AGTPBP1: variants seen among roughly 807,000 people sequenced by gnomAD.
AGTPBP1 encodes cytosolic carboxypeptidase 1.
In AGTPBP1, 70 loss-of-function variants were observed where a neutral mutation model predicts 143.9. The observed-to-expected ratio is 0.49, with a 90% CI of 0.40 to 0.59. AGTPBP1 has a LOEUF of 0.59. AGTPBP1 is among the 20% of genes least tolerant of loss of function. The pLI, the probability that AGTPBP1 is intolerant of heterozygous loss-of-function variation, is 0.00. For missense variants in AGTPBP1, 1,229 were observed against 1,464.5 expected (o/e 0.84, Z 2.62); for synonymous variants, 463 against 500.2 (o/e 0.93, Z 0.99).
At chr9:85,611,229 T>A (rs1352169684) in intron 17 of AGTPBP1, among the ~76,000 whole-genome samples, 1 of 106,382 alleles carries the variant, frequency 9.4e-6, no homozygotes. Context: ...AAATAAAAAA[T>A]AAAGAAAACA....
chr9:85,636,323 G>A (rs1030362754), intron 13 of AGTPBP1, among the ~76,000 whole-genome samples: 3 of 146,014 alleles, frequency 2.1e-5, no homozygotes, highest in East Asian at 2.0e-4. Flanking sequence ...GTGCAGTGGC[G>A]CAATCTCAGC....
chr9:85,633,065 T>C lies in AGTPBP1; in HGVS notation c.1612A>G (p.Thr538Ala). 2 of 1,614,198 alleles carry C rather than the reference T, an allele frequency of 1.2e-6. No individual in the cohort carries two copies. Among genetic ancestry groups the C allele is most frequent in the Non-Finnish European group, 1.7e-6 (2 of 1,180,020 alleles). Reference sequence around the variant, plus strand: ...GTTTGAGAAGGAATATTCTGCAATGTAATTCGGTCCAAGGCCTTTACAATA... The same window carrying C: ...GTTTGAGAAGGAATATTCTGCAATGCAATTCGGTCCAAGGCCTTTACAATA... Reference protein sequence around the residue: ...NDIVKALDRITLQNIPSQTAP... With the variant: ...NDIVKALDRIALQNIPSQTAP... Residue 538 changes from threonine to alanine, a missense_variant, in exon 14 of 26, where the codon ACA becomes GCA. By Grantham distance (58) the Thr-to-Ala change is moderately conservative. Coordinates refer to ENST00000357081, the MANE Select transcript of AGTPBP1 (RefSeq NM_001330701.2).
chr9:85,736,181 G>T (rs576843719), intron 1 of AGTPBP1, among the ~76,000 whole-genome samples: 1 of 152,166 alleles, frequency 6.6e-6, no homozygotes, highest in South Asian at 2.1e-4. Flanking sequence ...TTTTTAGATG[G>T]TATTCAGATT....
At chr9:85,560,739 A>C (rs1288939079) in intron 25 of AGTPBP1, among the ~76,000 whole-genome samples, 1 of 152,018 alleles carries the variant, frequency 6.6e-6, no homozygotes, top group Non-Finnish European at 1.5e-5. Flanking sequence ...GAAAGAAAGA[A>C]TAGGTGAATT....
intron 23 of AGTPBP1, among the ~76,000 whole-genome samples, chr9:85,584,452 G>A (rs1456516392): frequency 6.6e-6 from 1 of 152,082 alleles, no homozygotes; most frequent in East Asian, 1.9e-4. Context: ...TATTTGTGAG[G>A]TAAATTTTTG....
chr9:85,695,370 T>TA (rs1262788480), intron 2 of AGTPBP1, among the ~76,000 whole-genome samples: 2 of 151,224 alleles, frequency 1.3e-5, no homozygotes, highest in Non-Finnish European at 3.0e-5. Context: ...AACTGAGCTT[T>TA]AAAAAAAAAT....
intron 8 of AGTPBP1, among the ~76,000 whole-genome samples, chr9:85,666,475 A>G (rs913385168): frequency 8.5e-5 from 13 of 152,172 alleles, no homozygotes; most frequent in African/African-American, 3.1e-4. Context: ...AAAAATGATA[A>G]GAGATCAAGA....
intron 19 of AGTPBP1, among the ~76,000 whole-genome samples, chr9:85,590,136 CAA>C (rs1188258816): frequency 2.0e-5 from 3 of 151,984 alleles, no homozygotes; most frequent in Admixed American, 6.6e-5. Flanking sequence ...ACAATTTTAA[CAA>C]TTTATTTTCC....
the AGTPBP1 span, among the ~76,000 whole-genome samples, chr9:85,779,218 GATATAGAT>G: frequency 5.3e-3 from 526 of 99,976 alleles, 6 homozygotes; most frequent in African/African-American, 0.016. Context: ...TATAGATATA[GATATAGAT>G]ATAGATATAG....
intron 14 of AGTPBP1, among the ~76,000 whole-genome samples, chr9:85,626,960 T>C (rs1831338183): frequency 6.6e-6 from 1 of 152,232 alleles, no homozygotes; most frequent in Non-Finnish European, 1.5e-5. Flanking sequence ...AGATTTGGGA[T>C]GGATTTGGCA....
At chr9:85,671,136 T>A (rs941795070) in intron 7 of AGTPBP1, among the ~76,000 whole-genome samples, 3 of 151,510 alleles carry the variant, frequency 2.0e-5, no homozygotes, top group African/African-American at 4.9e-5. Context: ...TTTGTAGAAA[T>A]GGCATCTCAC....
intron 10 of AGTPBP1, 93 bp downstream of exon 10, chr9:85,657,342 C>T (rs1307086014): frequency 1.5e-5 from 17 of 1,099,490 alleles, no homozygotes; most frequent in African/African-American, 3.2e-5. Context: ...CCTGTGTATA[C>T]GTTTCTGAGT....
intron 25 of AGTPBP1, among the ~76,000 whole-genome samples, chr9:85,573,252 CG>C (rs1175424923): frequency 3.9e-5 from 6 of 152,160 alleles, no homozygotes; most frequent in Admixed American, 1.3e-4. Context: ...TGCAGGCACG[CG>C]CCACCACGCC....
intron 17 of AGTPBP1, among the ~76,000 whole-genome samples, chr9:85,608,867 A>G (rs1830141531): frequency 6.6e-6 from 1 of 152,116 alleles, no homozygotes; most frequent in Admixed American, 6.5e-5. Flanking sequence ...AGGAGGATGG[A>G]AGGAAGAATA....
intron 23 of AGTPBP1, 119 bp from the exon 24 acceptor site, chr9:85,579,215 AT>A: frequency 1.0e-6 from 1 of 968,770 alleles, no homozygotes; most frequent in Non-Finnish European, 1.5e-6. Flanking sequence ...TGGATGTTCT[AT>A]TATATATCCC....
chr9:85,797,274 AT>A, the AGTPBP1 span, among the ~76,000 whole-genome samples: 1 of 151,644 alleles, frequency 6.6e-6, no homozygotes, highest in Non-Finnish European at 1.5e-5. Context: ...CTCCTGGCTA[AT>A]TTTTTTTACT....
At chr9:85,572,004 G>GGTTTT (rs1827508534) in intron 25 of AGTPBP1, among the ~76,000 whole-genome samples, 2 of 43,434 alleles carry the variant, frequency 4.6e-5, no homozygotes, top group Non-Finnish European at 1.0e-4. Context: ...GTTTGTGTGT[G>GGTTTT]TTTTTTTTTT....
In AGTPBP1 at chr9:85,657,422, G is replaced by A. The variant is rs1014064352; in HGVS notation, c.909+13C>T. 3.1e-6 allele frequency: 5 copies of A among 1,594,978 alleles called. No individual in the cohort carries two copies. The highest frequency in any genetic ancestry group is 2.2e-5 in the East Asian group (1 of 44,574). Reference sequence around the variant, plus strand: ...TAGTACATAATCACAATAATAAGAAGAAAATAACTCACTTGCGAAGTATTA... The same window carrying A: ...TAGTACATAATCACAATAATAAGAAAAAAATAACTCACTTGCGAAGTATTA... On this transcript the variant is annotated intron_variant, in intron 10 of 25. Coordinates refer to ENST00000357081, the MANE Select transcript of AGTPBP1 (RefSeq NM_001330701.2).
chr9:85,746,645 T>TG (rs1482237561), upstream of AGTPBP1, among the ~76,000 whole-genome samples: 2 of 149,192 alleles, frequency 1.3e-5, no homozygotes, highest in African/African-American at 5.0e-5. Context: ...AAAGAAAGAG[T>TG]GGGGGGAGAG....
Sources: allele counts gnomAD v4.1 joint callset (sites outside exome capture counted in the v4.1 genomes callset), GRCh38; gene constraint gnomAD v4.1.1; transcripts MANE v1.5; gene names NCBI Gene and HGNC (gene_info 2026-07-23, HGNC 2026-07-21).